Variants in ROCK1 observed in about 807,000 individuals in gnomAD.
ROCK1 encodes the protein rho-associated protein kinase 1.
ROCK1 carries 36 observed loss-of-function variants against 196.8 expected under a neutral mutation model. The ratio of observed to expected loss-of-function variants is 0.18; its 90% CI spans 0.14 to 0.24. The LOEUF (loss-of-function observed/expected upper bound fraction) is 0.24. ROCK1 is among the 10% of genes least tolerant of loss of function. The pLI, the probability that ROCK1 is intolerant of heterozygous loss-of-function variation, is 1.00. For synonymous variants in ROCK1, 443 were observed against 515.9 expected (o/e 0.86, Z 1.91); for missense variants, 920 against 1,562.0 (o/e 0.59, Z 6.93).
chr18:21,077,167 G>A (rs1314370585), intron 1 of ROCK1, among the ~76,000 whole-genome samples: 2 of 151,602 alleles, frequency 1.3e-5, no homozygotes, highest in Non-Finnish European at 2.9e-5. Context: ...TAGAGACGGG[G>A]TTTCACCTTG....
intron 17 of ROCK1, 149 bp from the exon 18 acceptor site, chr18:20,991,475 T>TG: frequency 1.7e-6 from 1 of 590,774 alleles, no homozygotes; most frequent in Non-Finnish European, 2.8e-6. Context: ...GATAATCTTT[T>TG]CTTTACCCCC....
At chr18:21,093,687 C>G (rs1598560812) in intron 1 of ROCK1, among the ~76,000 whole-genome samples, 1 of 152,204 alleles carries the variant, frequency 6.6e-6, no homozygotes, top group Non-Finnish European at 1.5e-5. Flanking sequence ...GGCACGATGG[C>G]TTACATCTGT....
intron 2 of ROCK1, among the ~76,000 whole-genome samples, chr18:21,063,331 A>G (rs146103679): frequency 1.7e-3 from 263 of 152,316 alleles, no homozygotes; most frequent in Middle Eastern, 3.4e-3. Context: ...AAGATGCCAT[A>G]GAAGTACATG....
intron 27 of ROCK1, among the ~76,000 whole-genome samples, chr18:20,961,078 G>T (rs1033747674): frequency 6.6e-6 from 1 of 152,016 alleles, no homozygotes; most frequent in Non-Finnish European, 1.5e-5. Context: ...ATGTCTACTA[G>T]AAATATCTGG....
intron 8 of ROCK1, among the ~76,000 whole-genome samples, chr18:21,041,392 G>T (rs1332242592): frequency 6.6e-6 from 1 of 151,568 alleles, no homozygotes; most frequent in African/African-American, 2.4e-5. Context: ...AAAGTACTAG[G>T]TCTCCCTAAT....
chr18:20,955,380 A>C, intron 29 of ROCK1, 135 bp from the exon 30 acceptor site: 1 of 983,564 alleles, frequency 1.0e-6, no homozygotes, highest in South Asian at 1.9e-5. Flanking sequence ...AGAAATGCAA[A>C]TTAAAACCAC....
chr18:21,093,905 G>A (rs1467035573), intron 1 of ROCK1, among the ~76,000 whole-genome samples: 4 of 151,068 alleles, frequency 2.6e-5, no homozygotes, highest in South Asian at 4.2e-4. Context: ...GCAGTGAGCC[G>A]AGATCATGCC....
At chr18:21,019,836 A>C (rs535330553) in intron 12 of ROCK1, among the ~76,000 whole-genome samples, 1 of 151,952 alleles carries the variant, frequency 6.6e-6, no homozygotes, top group East Asian at 1.9e-4. Context: ...CTTTCTGATG[A>C]CTGTAATGAA....
At chr18:20,958,897 TTATA>T (rs1314346691) in intron 29 of ROCK1, among the ~76,000 whole-genome samples, 3 of 34,936 alleles carry the variant, frequency 8.6e-5, no homozygotes, top group African/African-American at 1.1e-4. Context: ...ATATATTTAT[TTATA>T]TATATATATT....
In ROCK1 at chr18:20,947,876, G is replaced by A. The variant is rs1389886948; in HGVS notation, c.*3508C>T. The A allele has an allele frequency of 6.6e-6, 1 of 152,028 alleles. No homozygotes were observed. The highest frequency in any genetic ancestry group is 1.5e-5 in the Non-Finnish European group (1 of 68,018). 9.4% of individuals were successfully genotyped at this position (152,028 alleles called of 1,614,324 possible). The stretch of plus-strand genomic sequence containing the variant: ...TAATCCCAGCACTTTGGGAGGCCAA[G>A]GTGGGTGTGGATCACCTGAGGTCAG... On this transcript the variant is annotated 3_prime_UTR_variant, in exon 33 of 33. Transcript: ENST00000399799.
At chr18:20,999,866 T>C (rs2035707638) in intron 16 of ROCK1, among the ~76,000 whole-genome samples, 1 of 152,214 alleles carries the variant, frequency 6.6e-6, no homozygotes, top group African/African-American at 2.4e-5. Context: ...GCTCAAGTGA[T>C]CTGCCTACCT....
chr18:21,096,439 G>C (rs538485624), intron 1 of ROCK1, among the ~76,000 whole-genome samples: 1 of 152,144 alleles, frequency 6.6e-6, no homozygotes, highest in East Asian at 1.9e-4. Context: ...GACCTCAGGT[G>C]ATCTGCCTGC....
At chr18:21,079,355 A>G (rs1466032047) in intron 1 of ROCK1, among the ~76,000 whole-genome samples, 1 of 152,034 alleles carries the variant, frequency 6.6e-6, no homozygotes, top group Non-Finnish European at 1.5e-5. Flanking sequence ...TTTCAGCTGT[A>G]GTGAGGGTTT....
chr18:21,018,993 T>A, intron 12 of ROCK1, among the ~76,000 whole-genome samples: 1 of 152,096 alleles, frequency 6.6e-6, no homozygotes. Flanking sequence ...CTAATGACAA[T>A]AACATGCTGA....
At chr18:20,995,725 G>A (rs947402308) in intron 16 of ROCK1, among the ~76,000 whole-genome samples, 44 of 151,986 alleles carry the variant, frequency 2.9e-4, no homozygotes, top group African/African-American at 9.7e-4. Context: ...CATTTGTTTG[G>A]GAGAAAGGGA....
intron 12 of ROCK1, among the ~76,000 whole-genome samples, chr18:21,017,414 TCTC>T (rs1353595516): frequency 1.3e-5 from 2 of 151,662 alleles, no homozygotes; most frequent in African/African-American, 4.8e-5. Flanking sequence ...GATGTCTTGA[TCTC>T]CTGACCTTGT....
At chr18:20,964,155 C>T (rs1380807601) in intron 27 of ROCK1, among the ~76,000 whole-genome samples, 1 of 151,734 alleles carries the variant, frequency 6.6e-6, no homozygotes, top group Non-Finnish European at 1.5e-5. Context: ...AAAATGTGAC[C>T]CATATTTCAA....
intron 22 of ROCK1, among the ~76,000 whole-genome samples, chr18:20,979,459 TA>T (rs2035510013): frequency 6.6e-6 from 1 of 151,902 alleles, no homozygotes; most frequent in African/African-American, 2.4e-5. Flanking sequence ...CTGTCTCTAC[TA>T]AAAATACAAA....
rs147832733 is a variant in ROCK1, at chr18:21,088,440, G to A, written c.94-17827C>T. Among the ~76,000 whole-genome samples, 33 of 152,336 alleles carry A rather than the reference G, an allele frequency of 2.2e-4. No individual in the cohort carries two copies. In the East Asian group the frequency reaches 5.8e-3, roughly 27 times the overall value. On this transcript the variant is annotated intron_variant, in intron 1 of 32. Coordinates refer to ENST00000399799, the MANE Select transcript of ROCK1 (RefSeq NM_005406.3). ...CTGAGCCCCTGAAAGGTCAAGGCTA[G>A]AGTGAGCTATGATCACGTCACTGCA...
Sources: gnomAD v4.1 joint callset for allele counts (sites outside exome capture counted in the v4.1 genomes callset) on GRCh38, gnomAD v4.1.1 for gene constraint, MANE v1.5 for transcripts, NCBI Gene and HGNC (gene_info 2026-07-23, HGNC 2026-07-21) for gene names.